Variants in SH2D4B observed in about 807,000 individuals in gnomAD.
The protein encoded by SH2D4B is SH2 domain containing 4B.
In SH2D4B, 45 loss-of-function variants were observed where a neutral mutation model predicts 61.5. The observed-to-expected ratio is 0.73, with a 90% CI of 0.58 to 0.94. SH2D4B has a LOEUF of 0.94. SH2D4B is among the 40% of genes least tolerant of loss of function. The pLI is 0.00. For missense variants in SH2D4B, 572 were observed against 574.2 expected (o/e 1.00, Z 0.04); for synonymous variants, 224 against 220.4 (o/e 1.02, Z -0.14).
At chr10:80,570,069 A>G (rs1421538206) in intron 1 of SH2D4B, 85 bp from the exon 2 acceptor site, 2 of 1,494,650 alleles carry the variant, frequency 1.3e-6, no homozygotes, top group African/African-American at 1.4e-5. Context: ...GAGTGATGTG[A>G]TGGTTGTTTA....
chr10:80,586,700 C>T (rs897744851), intron 3 of SH2D4B, among the ~76,000 whole-genome samples: 15 of 152,184 alleles, frequency 9.9e-5, no homozygotes, highest in African/African-American at 2.4e-4. Context: ...AAGCAGGCTG[C>T]CCCGAGCCAG....
intron 3 of SH2D4B, among the ~76,000 whole-genome samples, chr10:80,579,009 G>T (rs530902002): frequency 4.6e-5 from 7 of 152,316 alleles, no homozygotes; most frequent in African/African-American, 1.7e-4. Context: ...ACCATGGGGA[G>T]CTGGGGAGGG....
At chr10:80,609,695 AGTC>A in intron 6 of SH2D4B, 144 bp downstream of exon 6, 13 of 1,354,284 alleles carry the variant, frequency 9.6e-6, no homozygotes, top group South Asian at 1.4e-5. Flanking sequence ...TCCCAGTGGG[AGTC>A]CAGGAGGCTG....
intron 6 of SH2D4B, among the ~76,000 whole-genome samples, chr10:80,615,979 T>C (rs964678700): frequency 6.6e-6 from 1 of 152,128 alleles, no homozygotes; most frequent in African/African-American, 2.4e-5. Flanking sequence ...TGGTGGCACA[T>C]CAGGAACCGA....
At chr10:80,626,296 CT>C (rs141158612) in intron 6 of SH2D4B, among the ~76,000 whole-genome samples, 4,864 of 152,210 alleles carry the variant, frequency 0.032, 281 homozygotes, top group African/African-American at 0.11. Flanking sequence ...TCTCAGCATA[CT>C]TGAAACTTTT....
intron 7 of SH2D4B, among the ~76,000 whole-genome samples, chr10:80,638,359 T>TGGAA (rs1190813429): frequency 6.6e-6 from 1 of 152,242 alleles, no homozygotes; most frequent in Non-Finnish European, 1.5e-5. Context: ...TCAGAAGGAA[T>TGGAA]GGAACCAGCT....
At chr10:80,595,897 T>C (rs1001588019) in intron 4 of SH2D4B, among the ~76,000 whole-genome samples, 1 of 152,218 alleles carries the variant, frequency 6.6e-6, no homozygotes, top group Non-Finnish European at 1.5e-5. Context: ...ATGGAATGCA[T>C]GTGTATGCAG....
chr10:80,607,958 A>T (rs1241304848), intron 5 of SH2D4B, among the ~76,000 whole-genome samples: 1 of 152,146 alleles, frequency 6.6e-6, no homozygotes, highest in African/African-American at 2.4e-5. Context: ...GTGCAGTGGC[A>T]CGATCTCAGC....
At chr10:80,615,294 C>A (rs1374138999) in intron 6 of SH2D4B, among the ~76,000 whole-genome samples, 1 of 152,236 alleles carries the variant, frequency 6.6e-6, no homozygotes, top group Admixed American at 6.5e-5. Context: ...GACCAGAGAG[C>A]TTGAGAAACT....
At chr10:80,609,618 G>A in intron 6 of SH2D4B, 67 bp downstream of exon 6, 1 of 1,608,556 alleles carries the variant, frequency 6.2e-7, no homozygotes, top group South Asian at 1.1e-5. Context: ...TGGGGTTGGG[G>A]AGGGGTGCTG....
intron 6 of SH2D4B, among the ~76,000 whole-genome samples, chr10:80,626,616 G>A (rs1434940320): frequency 6.6e-6 from 1 of 152,020 alleles, no homozygotes; most frequent in Admixed American, 6.6e-5. Flanking sequence ...ATGCCCCATG[G>A]GTGTGTCATG....
At chr10:80,542,788 G>A (rs372890979) in intron 1 of SH2D4B, among the ~76,000 whole-genome samples, 2 of 151,876 alleles carry the variant, frequency 1.3e-5, no homozygotes, top group Admixed American at 6.6e-5. Flanking sequence ...TTGCCTGGGA[G>A]CCAGACGTCT....
At chr10:80,566,300 T>TC (rs1435465072) in intron 1 of SH2D4B, among the ~76,000 whole-genome samples, 8 of 148,180 alleles carry the variant, frequency 5.4e-5, no homozygotes, top group Non-Finnish European at 1.0e-4. Context: ...TCAATTTCTT[T>TC]TTTTTTTTTT....
At chr10:80,563,092 G>T (rs1324044087) in intron 1 of SH2D4B, among the ~76,000 whole-genome samples, 1 of 151,300 alleles carries the variant, frequency 6.6e-6, no homozygotes, top group African/African-American at 2.4e-5. Context: ...TAGTAGAGAC[G>T]GGGTTTCACC....
At chr10:80,617,577 T>C (rs1842674687) in intron 6 of SH2D4B, among the ~76,000 whole-genome samples, 2 of 152,164 alleles carry the variant, frequency 1.3e-5, no homozygotes, top group South Asian at 4.1e-4. Context: ...TGAACAAAAC[T>C]GGTGCCTTCC....
chr10:80,566,324 C>T (rs1451212667), intron 1 of SH2D4B, among the ~76,000 whole-genome samples: 2 of 143,708 alleles, frequency 1.4e-5, no homozygotes, highest in African/African-American at 5.2e-5. Context: ...GAGACCGAGT[C>T]TCACTCTGTT....
intron 5 of SH2D4B, among the ~76,000 whole-genome samples, chr10:80,605,344 T>C (rs1272318197): frequency 1.3e-5 from 2 of 152,108 alleles, no homozygotes; most frequent in Admixed American, 1.3e-4. Context: ...ATCTTTTTAT[T>C]GTGTTGTCTT....
At chr10:80,610,788 G>T (rs1244611452) in intron 6 of SH2D4B, among the ~76,000 whole-genome samples, 2 of 152,126 alleles carry the variant, frequency 1.3e-5, no homozygotes, top group African/African-American at 4.8e-5. Flanking sequence ...ACCAGTCAAG[G>T]TTTATTTCTT....
intron 6 of SH2D4B, among the ~76,000 whole-genome samples, chr10:80,632,061 CCAAGTGGGTGTAGCAT>C (rs1842839013): frequency 6.6e-6 from 1 of 152,038 alleles, no homozygotes; most frequent in Admixed American, 6.6e-5. Context: ...CCTCGGCCTC[CCAAGTGGGTGTAGCAT>C]CTTCATGCCC....
Sources: gnomAD v4.1 joint callset for allele counts (sites outside exome capture counted in the v4.1 genomes callset) on GRCh38, gnomAD v4.1.1 for gene constraint, MANE v1.5 for transcripts, NCBI Gene and HGNC (gene_info 2026-07-23, HGNC 2026-07-21) for gene names.